The following CEP89 variants were observed in gnomAD, a reference collection of about 807,000 sequenced individuals.
CEP89 encodes the protein centrosomal protein 89, also known as centrosomal protein of 89 kDa.
In CEP89, 95 loss-of-function variants were observed where a neutral mutation model predicts 97.6. The ratio of observed to expected loss-of-function variants is 0.97; its 90% CI spans 0.82 to 1.15. The LOEUF is 1.15. Ranked by LOEUF, CEP89 falls within the 50% of genes most tolerant of loss-of-function variation. The pLI, the probability that CEP89 is intolerant of heterozygous loss-of-function variation, is 0.00. For missense variants in CEP89, 869 were observed against 947.7 expected, an observed-to-expected ratio of 0.92 and a Z score of 1.09; for synonymous variants, 354 against 349.1, an observed-to-expected ratio of 1.01 and a Z score of -0.16.
In CEP89 at chr19:32,908,523, T is replaced by A. The variant is rs1969936075; in HGVS notation, c.1565+6814A>T. ...AACATGGAAGAGGGGCAGGAATTCA[T>A]CAGAGCTCGAATATGTGGAATTCCA... On this transcript the variant is annotated intron_variant, in intron 14 of 18. Coordinates refer to ENST00000305768, the MANE Select transcript of CEP89 (RefSeq NM_032816.5). Among the ~76,000 whole-genome samples, 5 of 152,334 alleles carry A rather than the reference T, an allele frequency of 3.3e-5. No individual in the cohort carries two copies. The South Asian group carries it at 1.0e-3, about 32-fold the overall frequency.
intron 11 of CEP89, among the ~76,000 whole-genome samples, chr19:32,925,691 T>C (rs1348698513): frequency 6.6e-6 from 1 of 152,108 alleles, no homozygotes; most frequent in East Asian, 1.9e-4. Context: ...TTTCACCATG[T>C]TGACCAGGCT....
intron 9 of CEP89, among the ~76,000 whole-genome samples, chr19:32,927,950 C>G (rs762904135): frequency 2.5e-4 from 33 of 133,244 alleles, no homozygotes; most frequent in Non-Finnish European, 4.8e-4. Context: ...CAGTCTCGCT[C>G]TGTCGCACAG....
At chr19:32,904,009 A>G (rs1331861751) in intron 14 of CEP89, among the ~76,000 whole-genome samples, 1 of 152,152 alleles carries the variant, frequency 6.6e-6, no homozygotes, top group Non-Finnish European at 1.5e-5. Context: ...AAGATTTAAA[A>G]ATTAGCCGGG....
In CEP89 at chr19:32,923,171, C is replaced by T. The variant is rs1405578479; in HGVS notation, c.1268+268G>A. 2.6e-5 allele frequency among the ~76,000 whole-genome samples: 4 copies of T among 152,060 alleles called. No homozygotes were observed. The East Asian group carries it at 5.8e-4, about 22-fold the overall frequency. On this transcript the variant is annotated intron_variant, in intron 12 of 18. Transcript: ENST00000305768. Reference sequence around the variant, plus strand: ...TCCAGGTCTGAGATGGAAAAATCACCCTAGAAAAATACCAACTCAGAAAAT... The same window carrying T: ...TCCAGGTCTGAGATGGAAAAATCACTCTAGAAAAATACCAACTCAGAAAAT...
intron 11 of CEP89, among the ~76,000 whole-genome samples, chr19:32,925,485 CTTTTTTTTTTTTT>C (rs67751450): frequency 8.3e-6 from 1 of 120,128 alleles, no homozygotes; most frequent in Non-Finnish European, 1.7e-5. Context: ...CCAAATAGCC[CTTTTTTTTTTTTT>C]TTTTTTTTCG....
rs369261942 is a variant in CEP89 at position 32,966,356 on chromosome 19, T to C, written c.146+4A>G. On this transcript the variant is annotated splice_donor_region_variant and intron_variant, in intron 2 of 18. Coordinates refer to ENST00000305768, the MANE Select transcript of CEP89 (RefSeq NM_032816.5). ...ACCTCAGTGCCTGCTCATCTGATAC[T>C]CACCTTGGTCTCTCTGGAGATGGGT... 6.6e-7 allele frequency: 1 copy of C among 1,510,814 alleles called. No homozygotes were observed. Among genetic ancestry groups the C allele is most frequent in the South Asian group, 1.3e-5 (1 of 77,940 alleles). 93.6% of individuals were successfully genotyped at this position (1,510,814 alleles called of 1,614,324 possible).
At chr19:32,881,494 C>A (rs1396848461) in intron 18 of CEP89, among the ~76,000 whole-genome samples, 3 of 152,108 alleles carry the variant, frequency 2.0e-5, no homozygotes, top group Non-Finnish European at 2.9e-5. Context: ...CGTGCCACTG[C>A]ACTCCAGCCT....
intron 14 of CEP89, among the ~76,000 whole-genome samples, chr19:32,913,002 T>C (rs144955328): frequency 1.3e-5 from 2 of 150,782 alleles, no homozygotes; most frequent in Non-Finnish European, 3.0e-5. Context: ...GAGATAGCGC[T>C]ACTGCACTCC....
At position 32,878,406 on chromosome 19, in the gene CEP89, C is replaced by G. The variant is rs1225977511; in HGVS notation, c.*756G>C. The stretch of plus-strand genomic sequence containing the variant: ...TTTTGACCAAACAAGAAAAGGCCCC[C>G]AGAGCTCACGCACAGCTATCATCAG... On this transcript the variant is annotated 3_prime_UTR_variant, in exon 19 of 19. Coordinates refer to ENST00000305768, the MANE Select transcript of CEP89 (RefSeq NM_032816.5). The G allele has an allele frequency of 6.6e-6, 1 of 152,324 alleles. No homozygotes were observed. Among genetic ancestry groups the G allele is most frequent in the Non-Finnish European group, 1.5e-5 (1 of 68,172 alleles). The allele number at this position is 152,324 out of a possible 1,614,324, so 9.4% of individuals were successfully genotyped here. A position where few individuals can be genotyped will look rare whatever the true frequency, so the allele number is the denominator to read the frequency against.
rs1568570092 is a variant in CEP89, at chr19:32,937,690, A to G, written c.625-17T>C. 3.2e-6 allele frequency: 5 copies of G among 1,586,384 alleles called. No homozygotes were observed. The highest frequency in any genetic ancestry group is 2.2e-5 in the East Asian group (1 of 44,756). On this transcript the variant is annotated splice_polypyrimidine_tract_variant and intron_variant, in intron 6 of 18. Coordinates refer to ENST00000305768, the MANE Select transcript of CEP89 (RefSeq NM_032816.5). ...TTTTTCATCCTAGGAAAGAAAGAAC[A>G]TAAGAGGAATAAGTGCAGAGCATTA...
chr19:32,891,075 C>T (rs1969505595), intron 16 of CEP89, among the ~76,000 whole-genome samples: 1 of 152,184 alleles, frequency 6.6e-6, no homozygotes, highest in African/African-American at 2.4e-5. Flanking sequence ...GTGCAGTGCA[C>T]TGAAGAGGCT....
intron 5 of CEP89, among the ~76,000 whole-genome samples, chr19:32,945,536 T>C (rs778897772): frequency 9.9e-5 from 15 of 152,174 alleles, no homozygotes; most frequent in Non-Finnish European, 1.8e-4. Flanking sequence ...TACTGCAGCA[T>C]TTCCACCCAG....
rs1335609513 is a variant in CEP89, at chr19:32,953,731, C to G, written c.376G>C (p.Glu126Gln). Residue 126 changes from glutamate (E) to glutamine (Q), a missense_variant, in exon 4 of 19, where the codon GAA becomes CAA. Physicochemically the swap from Glu to Gln is conservative, Grantham distance 29 (BLOSUM62 2). Transcript: ENST00000305768. ...PSFETLDYGD[E>Q]EDIETQLSSS... ...GACAGCTGAGTTTCAATGTCCTCTT[C>G]GTCCCCATAGTCCAGTGTTTCAAAG... 6.2e-7 allele frequency: 1 copy of G among 1,613,918 alleles called. No homozygotes were observed. The highest frequency in any genetic ancestry group is 2.2e-5 in the East Asian group (1 of 44,890).
chr19:32,945,580 G>A (rs117054593), intron 5 of CEP89, among the ~76,000 whole-genome samples: 3,625 of 152,320 alleles, frequency 0.024, 78 homozygotes, highest in Non-Finnish European at 0.035. Flanking sequence ...CCTCTGTAGA[G>A]GGTGCTGGAG....
In CEP89 at chr19:32,931,544, C is replaced by T. The variant is rs762273652; in HGVS notation, c.914G>A (p.Arg305Gln). ...EVAAPELLYLRKQAQELVDEN... is the reference protein window; with the variant it reads ...EVAAPELLYLQKQAQELVDEN... The stretch of plus-strand genomic sequence containing the variant: ...ATCCACCAGTTCTTGAGCTTGTTTT[C>T]GCAGATAAAGTAATTCAGGTGCAGC... The change falls in exon 9 of 19, where the codon CGA (arginine) becomes CAA (glutamine). Residue 305 changes from arginine (R) to glutamine (Q), a missense_variant. Arg to Gln is a conservative substitution (Grantham distance 43). Coordinates refer to ENST00000305768, the MANE Select transcript of CEP89 (RefSeq NM_032816.5). 13 of 1,577,962 alleles carry T rather than the reference C, an allele frequency of 8.2e-6. No individual in the cohort carries two copies. Among genetic ancestry groups the T allele is most frequent in the South Asian group, 6.1e-5 (5 of 82,250 alleles).
chr19:32,926,600 C>T (rs113781382), intron 10 of CEP89, among the ~76,000 whole-genome samples: 7 of 152,210 alleles, frequency 4.6e-5, no homozygotes, highest in African/African-American at 9.7e-5. Context: ...CCCACTCTGC[C>T]GCCCAGGCTC....
intron 14 of CEP89, among the ~76,000 whole-genome samples, chr19:32,903,347 C>G (rs2145891374): frequency 6.6e-6 from 1 of 152,194 alleles, no homozygotes; most frequent in African/African-American, 2.4e-5. Flanking sequence ...AGCACCCAAT[C>G]AAGCATGAGA....
intron 3 of CEP89, among the ~76,000 whole-genome samples, chr19:32,954,367 T>C (rs11880502): frequency 0.034 from 4,327 of 127,542 alleles, 218 homozygotes; most frequent in African/African-American, 0.12. Flanking sequence ...GTTTTTTGTT[T>C]TTTTGTTTTT....
At chr19:32,915,647 G>A (rs974111429) in intron 13 of CEP89, 130 bp from the exon 14 acceptor site, 6 of 803,714 alleles carry the variant, frequency 7.5e-6, no homozygotes, top group South Asian at 7.0e-5. Flanking sequence ...TGAGCCAGAC[G>A]TGGTGGCTCA....
Sources: gnomAD v4.1 joint callset for allele counts (sites outside exome capture counted in the v4.1 genomes callset) on GRCh38, gnomAD v4.1.1 for gene constraint, MANE v1.5 for transcripts, NCBI Gene and HGNC (gene_info 2026-07-23, HGNC 2026-07-21) for gene names.